Variants in ADORA2B observed in about 807,000 individuals in gnomAD.
The protein encoded by ADORA2B is adenosine A2b receptor.
In ADORA2B, 18 loss-of-function variants were observed where a neutral mutation model predicts 20.8. The ratio of observed to expected loss-of-function variants is 0.87; its 90% CI spans 0.60 to 1.29. The LOEUF (loss-of-function observed/expected upper bound fraction) is 1.29, where lower values mean the gene tolerates loss of function less well. Ranked by LOEUF, ADORA2B falls within the 50% of genes most tolerant of loss-of-function variation. The pLI is 0.00. For missense variants in ADORA2B, 441 were observed against 422.7 expected (o/e 1.04, Z -0.38); for synonymous variants, 179 against 178.3 (o/e 1.00, Z -0.03).
the ADORA2B span, among the ~76,000 whole-genome samples, chr17:15,892,877 CCAAGG>C: frequency 6.6e-6 from 1 of 152,088 alleles, no homozygotes; most frequent in Non-Finnish European, 1.5e-5. Flanking sequence ...ATGTTAGTAA[CCAAGG>C]CAAGGCAAGT....
the ADORA2B span, among the ~76,000 whole-genome samples, chr17:15,934,317 C>G: frequency 6.6e-6 from 1 of 152,140 alleles, no homozygotes; most frequent in Non-Finnish European, 1.5e-5. Context: ...CAGCCTCTGC[C>G]TCCTGAGTTC....
chr17:15,963,103 G>GT (rs941056193), intron 1 of ADORA2B, among the ~76,000 whole-genome samples: 17 of 151,782 alleles, frequency 1.1e-4, no homozygotes, highest in African/African-American at 2.7e-4. Context: ...GAGGTAGGAG[G>GT]TTTTTTTTAA....
the ADORA2B span, among the ~76,000 whole-genome samples, chr17:15,907,935 A>G: frequency 6.6e-6 from 1 of 152,206 alleles, no homozygotes; most frequent in Non-Finnish European, 1.5e-5. Flanking sequence ...AGCCCGCACA[A>G]TGGCACAGCA....
the ADORA2B span, among the ~76,000 whole-genome samples, chr17:15,865,335 C>G: frequency 6.6e-6 from 1 of 151,834 alleles, no homozygotes; most frequent in Non-Finnish European, 1.5e-5. Context: ...GATCTCGGCT[C>G]ACTGCAACCT....
rs540258927 is a variant in ADORA2B at position 15,969,173 on chromosome 17, G to C, written c.336-5506G>C. On this transcript the variant is annotated intron_variant, in intron 1 of 1. Coordinates refer to ENST00000304222, the MANE Select transcript of ADORA2B (RefSeq NM_000676.4). ...TCTTTAATAATCTGTCCCTTTGGCC[G>C]GGCGTGGAGGCTCACGCCTGTAATC... Among the ~76,000 whole-genome samples the C allele has an allele frequency of 2.0e-5, 3 of 152,130 alleles. 1 individual carries two copies. The South Asian group carries it at 6.2e-4, about 32-fold the overall frequency.
chr17:15,915,124 C>T, the ADORA2B span, among the ~76,000 whole-genome samples: 7 of 152,186 alleles, frequency 4.6e-5, no homozygotes, highest in Admixed American at 2.0e-4. Context: ...CCTGGAGGCT[C>T]TAGAAGAGAA....
the ADORA2B span, among the ~76,000 whole-genome samples, chr17:15,882,865 C>T: frequency 1.3e-5 from 2 of 152,202 alleles, no homozygotes; most frequent in African/African-American, 2.4e-5. Context: ...AATATGCCAG[C>T]AGCTGGTGCT....
the ADORA2B span, among the ~76,000 whole-genome samples, chr17:15,867,769 G>A: frequency 8.7e-5 from 13 of 150,150 alleles, 1 homozygote; most frequent in Non-Finnish European, 1.0e-4. Context: ...CCCTCTGCCC[G>A]GCCAGCCGCC....
At chr17:15,953,569 T>TC (rs1567778529) in intron 1 of ADORA2B, among the ~76,000 whole-genome samples, 1 of 152,234 alleles carries the variant, frequency 6.6e-6, no homozygotes, top group Non-Finnish European at 1.5e-5. Context: ...GCCAGCCTTC[T>TC]CCCCTATGCC....
the ADORA2B span, among the ~76,000 whole-genome samples, chr17:15,900,997 G>A: frequency 1.3e-5 from 2 of 152,128 alleles, no homozygotes; most frequent in Admixed American, 6.5e-5. Context: ...TGTCTGTACC[G>A]GGCCGTTTAG....
chr17:15,945,545 G>A lies in ADORA2B; in HGVS notation c.297G>A (p.Val99=). The change falls in exon 1 of 2, where the codon GTG becomes GTA. Residue 99 remains valine, a synonymous_variant. Transcript: ENST00000304222. Reference sequence around the variant, plus strand: ...GCTCCATCTTCAGCCTTCTGGCCGTGGCAGTCGACAGATACCTGGCCATCT... The same window carrying A: ...GCTCCATCTTCAGCCTTCTGGCCGTAGCAGTCGACAGATACCTGGCCATCT... ...TQSSIFSLLA[V]AVDRYLAICV... 6.3e-7 allele frequency: 1 copy of A among 1,590,134 alleles called. No homozygotes were observed. Among genetic ancestry groups the A allele is most frequent in the Admixed American group, 1.7e-5 (1 of 58,244 alleles).
At chr17:15,895,848 C>T in the ADORA2B span, among the ~76,000 whole-genome samples, 1 of 152,086 alleles carries the variant, frequency 6.6e-6, no homozygotes, top group Non-Finnish European at 1.5e-5. Flanking sequence ...CCAGTGTTTG[C>T]CCACACAGGA....
the ADORA2B span, among the ~76,000 whole-genome samples, chr17:15,862,211 C>CTTTTTTTTTTTTTTTT: frequency 3.3e-4 from 32 of 96,244 alleles, no homozygotes; most frequent in Non-Finnish European, 3.7e-4. Flanking sequence ...CTTTTCTTTT[C>CTTTTTTTTTTTTTTTT]TTTTTTTTTT....
chr17:15,903,652 T>C, the ADORA2B span, among the ~76,000 whole-genome samples: 1 of 152,188 alleles, frequency 6.6e-6, no homozygotes, highest in South Asian at 2.1e-4. Context: ...TGGAAAATTA[T>C]TGGGTGAATT....
chr17:15,866,930 G>A, the ADORA2B span, among the ~76,000 whole-genome samples: 11,339 of 151,760 alleles, frequency 0.075, 586 homozygotes, highest in African/African-American at 0.23. Flanking sequence ...GATTGCAGGC[G>A]CGCGCCGCCA....
the ADORA2B span, among the ~76,000 whole-genome samples, chr17:15,875,275 A>AT: frequency 6.6e-6 from 1 of 151,954 alleles, no homozygotes; most frequent in African/African-American, 2.4e-5. Context: ...CACCTTGCTG[A>AT]TTTTTTTGGC....
the ADORA2B span, among the ~76,000 whole-genome samples, chr17:15,928,141 G>A: frequency 6.6e-5 from 10 of 152,096 alleles, no homozygotes; most frequent in Non-Finnish European, 1.5e-4. Context: ...GGAAGTGATG[G>A]GTGACAAACT....
the ADORA2B span, among the ~76,000 whole-genome samples, chr17:15,910,305 T>C: frequency 6.6e-6 from 1 of 151,736 alleles, no homozygotes; most frequent in African/African-American, 2.4e-5. Flanking sequence ...ACGTAAACTT[T>C]TTTTTTTTTT....
At chr17:15,851,094 T>A in the ADORA2B span, among the ~76,000 whole-genome samples, 2 of 152,170 alleles carry the variant, frequency 1.3e-5, no homozygotes, top group Admixed American at 1.3e-4. Flanking sequence ...TGATAGATTT[T>A]AGGTTACTTG....
Sources: allele counts gnomAD v4.1 joint callset (sites outside exome capture counted in the v4.1 genomes callset), GRCh38; gene constraint gnomAD v4.1.1; transcripts MANE v1.5; gene names NCBI Gene and HGNC (gene_info 2026-07-23, HGNC 2026-07-21).